The following CLEC16A variants were observed in gnomAD, a reference collection of about 807,000 sequenced individuals.
CLEC16A encodes protein CLEC16A.
Under a neutral mutation model 109.5 loss-of-function variants are expected in CLEC16A, and 51 were observed. The observed-to-expected ratio is 0.47, with a 90% CI of 0.37 to 0.59. The LOEUF is 0.59. CLEC16A is among the 20% of genes least tolerant of loss of function. CLEC16A has a pLI of 0.00. For synonymous variants in CLEC16A, 673 were observed against 564.2 expected, an observed-to-expected ratio of 1.19 and a Z score of -2.73; for missense variants, 1,339 against 1,394.0, an observed-to-expected ratio of 0.96 and a Z score of 0.63.
chr16:11,151,618 T>C (rs893892911), intron 22 of CLEC16A, among the ~76,000 whole-genome samples: 1 of 152,232 alleles, frequency 6.6e-6, no homozygotes, highest in Non-Finnish European at 1.5e-5. Context: ...TATAGATGAA[T>C]AGAGATTTCA....
chr16:11,008,578 C>T (rs1240967146), intron 11 of CLEC16A, among the ~76,000 whole-genome samples: 1 of 152,024 alleles, frequency 6.6e-6, no homozygotes, highest in Non-Finnish European at 1.5e-5. Context: ...AGTTGGACAA[C>T]AAGTGGAAAG....
rs1456775643 is a variant in CLEC16A, at chr16:11,120,697, G to C, written c.2199G>C (p.Gln733His). 5 of 1,610,752 alleles carry C rather than the reference G, an allele frequency of 3.1e-6. No individual in the cohort carries two copies. The highest frequency in any genetic ancestry group is 1.1e-5 in the South Asian group (1 of 90,158). ...VQRFLAVDIY[Q>H]MSLVEPDVSR... ...GATTCCTGGCTGTGGATATTTACCA[G>C]ATGAGTTTGGTGGAGCCTGATGTGT... The change falls in exon 20 of 24, where the codon CAG becomes CAC. Residue 733 changes from glutamine (Q) to histidine (H), a missense_variant. Coordinates refer to ENST00000409790, the MANE Select transcript of CLEC16A (RefSeq NM_015226.3).
intron 8 of CLEC16A, among the ~76,000 whole-genome samples, chr16:10,979,080 G>C (rs2043175962): frequency 6.6e-6 from 1 of 152,152 alleles, no homozygotes; most frequent in Non-Finnish European, 1.5e-5. Flanking sequence ...TCGTGGGTCA[G>C]CCTCTCATCC....
At chr16:11,036,843 C>T (rs949718245) in intron 13 of CLEC16A, among the ~76,000 whole-genome samples, 1 of 152,182 alleles carries the variant, frequency 6.6e-6, no homozygotes. Context: ...GCCACCGTGC[C>T]CGGCCTAACT....
At chr16:11,048,088 T>C (rs1172660003) in intron 17 of CLEC16A, 6 of 152,258 alleles carry the variant, frequency 3.9e-5, no homozygotes, top group Non-Finnish European at 5.9e-5. Context: ...CCATATCACT[T>C]GCTAATGAGG....
chr16:11,139,627 GTC>G (rs1567380214), intron 22 of CLEC16A, among the ~76,000 whole-genome samples: 1 of 152,208 alleles, frequency 6.6e-6, no homozygotes, highest in East Asian at 1.9e-4. Flanking sequence ...TTGTTTTACT[GTC>G]TCTGTCACTC....
intron 22 of CLEC16A, among the ~76,000 whole-genome samples, chr16:11,141,969 C>T (rs2053852717): frequency 1.3e-5 from 2 of 152,158 alleles, no homozygotes; most frequent in South Asian, 2.1e-4. Flanking sequence ...TTGGCCCCCA[C>T]ACTGTCCTGA....
intron 9 of CLEC16A, among the ~76,000 whole-genome samples, chr16:10,980,680 T>A (rs183382339): frequency 7.9e-5 from 12 of 152,276 alleles, no homozygotes; most frequent in African/African-American, 2.9e-4. Context: ...CTTGTTTCAG[T>A]ATCTCACAGA....
chr16:11,109,346 G>T (rs1457527901), intron 19 of CLEC16A, among the ~76,000 whole-genome samples: 2 of 152,016 alleles, frequency 1.3e-5, no homozygotes, highest in East Asian at 1.9e-4. Context: ...TAAAGACGAG[G>T]TCTTGCTATG....
At chr16:11,145,825 G>A (rs903063998) in intron 22 of CLEC16A, among the ~76,000 whole-genome samples, 5 of 152,232 alleles carry the variant, frequency 3.3e-5, no homozygotes, top group Admixed American at 1.3e-4. Context: ...CAGGGTGTGA[G>A]TCGGGTCAAG....
At chr16:10,992,920 A>G (rs537326853) in intron 10 of CLEC16A, among the ~76,000 whole-genome samples, 1 of 152,266 alleles carries the variant, frequency 6.6e-6, no homozygotes, top group Admixed American at 6.5e-5. Context: ...AACTGAGGTC[A>G]GGGAGCTAGG....
In CLEC16A at chr16:11,044,027, G is replaced by A; in HGVS notation, c.1771-1G>A. ...TTCACACCTTCCTTCTCTTTTAACAGGGTGCGAGAGAAGAAAGTGTTCACC... is the reference window on the plus strand; with the variant it reads ...TTCACACCTTCCTTCTCTTTTAACAAGGTGCGAGAGAAGAAAGTGTTCACC... On this transcript the variant is annotated splice_acceptor_variant, in intron 15 of 23. Coordinates refer to ENST00000409790, the MANE Select transcript of CLEC16A (RefSeq NM_015226.3). LOFTEE classifies it high-confidence loss of function. 1 of 1,606,746 alleles carries A rather than the reference G, an allele frequency of 6.2e-7. No homozygotes were observed.
At position 10,962,682 on chromosome 16, in the gene CLEC16A, C is replaced by T. The variant is rs1476433192; in HGVS notation, c.343+94C>T. The T allele has an allele frequency of 1.3e-5, 18 of 1,338,794 alleles. 1 individual carries two copies. The highest frequency in any genetic ancestry group is 6.9e-5 in the East Asian group (3 of 43,284). The allele number at this position is 1,338,794 out of a possible 1,614,324, so 82.9% of individuals were successfully genotyped here. A position where few individuals can be genotyped will look rare whatever the true frequency, so the allele number is the denominator to read the frequency against. On this transcript the variant is annotated intron_variant, in intron 3 of 23. Transcript: ENST00000409790. ...TTCTGTGTCTGCGCTTACTATTCGTCGGCTCAGGCTATCCTAACAAAATAC... is the reference window on the plus strand; with the variant it reads ...TTCTGTGTCTGCGCTTACTATTCGTTGGCTCAGGCTATCCTAACAAAATAC...
intron 6 of CLEC16A, 31 bp downstream of exon 6, chr16:10,972,590 C>T (rs1009174817): frequency 1.9e-6 from 3 of 1,584,202 alleles, no homozygotes; most frequent in Middle Eastern, 1.7e-4. Context: ...TTTCTGCTTT[C>T]TTAATCTACC....
At chr16:11,009,768 T>A (rs2045286430) in intron 11 of CLEC16A, among the ~76,000 whole-genome samples, 1 of 152,204 alleles carries the variant, frequency 6.6e-6, no homozygotes, top group Non-Finnish European at 1.5e-5. Flanking sequence ...TACTTCAGTT[T>A]CCCCTGCCTT....
chr16:11,049,005 A>AT (rs1381242290), intron 17 of CLEC16A, among the ~76,000 whole-genome samples: 1 of 123,256 alleles, frequency 8.1e-6, no homozygotes, highest in East Asian at 2.1e-4. Flanking sequence ...CTGAGCCTTG[A>AT]TTTTTTTCTT....
intron 22 of CLEC16A, chr16:11,126,411 T>C (rs867289320): frequency 3.5e-6 from 5 of 1,419,822 alleles, no homozygotes; most frequent in Non-Finnish European, 3.7e-6. Context: ...TGACTAAGAA[T>C]TTTCTTGGAA....
chr16:10,970,614 G>T (rs1221759826), intron 4 of CLEC16A, among the ~76,000 whole-genome samples: 1 of 152,154 alleles, frequency 6.6e-6, no homozygotes, highest in Admixed American at 6.5e-5. Flanking sequence ...CATTGCCCAG[G>T]CTGGTCTCAA....
At chr16:11,020,546 G>T (rs1223609592) in intron 12 of CLEC16A, among the ~76,000 whole-genome samples, 1 of 113,970 alleles carries the variant, frequency 8.8e-6, no homozygotes, top group African/African-American at 4.7e-5. Context: ...GATTCGCCAG[G>T]ATAGCGCAAC....
Sources: gnomAD v4.1 joint callset for allele counts (sites outside exome capture counted in the v4.1 genomes callset) on GRCh38, gnomAD v4.1.1 for gene constraint, MANE v1.5 for transcripts, NCBI Gene and HGNC (gene_info 2026-07-23, HGNC 2026-07-21) for gene names.